F13A1: variants seen among roughly 807,000 people sequenced by gnomAD.
F13A1 encodes coagulation factor XIII A chain.
Under a neutral mutation model 80.1 loss-of-function variants are expected in F13A1, and 47 were observed. That is an observed-to-expected ratio of 0.59 (90% CI 0.46 to 0.75). F13A1 has a LOEUF of 0.75. Among genes scored for constraint, F13A1 ranks in the 30% least tolerant of loss-of-function variants. The pLI is 0.00. For missense variants in F13A1, 817 were observed against 930.4 expected (o/e 0.88, Z 1.59); for synonymous variants, 349 against 344.9 (o/e 1.01, Z -0.13).
intron 14 of F13A1, among the ~76,000 whole-genome samples, chr6:6,149,370 A>G (rs1038754720): frequency 6.6e-6 from 1 of 152,218 alleles, no homozygotes; most frequent in African/African-American, 2.4e-5. Flanking sequence ...AAACTTAAAA[A>G]GAGAGATTGA....
At position 6,250,598 on chromosome 6, in the gene F13A1, T is replaced by C. The variant is rs1441950190; in HGVS notation, c.690+213A>G. Among the ~76,000 whole-genome samples the C allele has an allele frequency of 6.6e-6, 1 of 152,198 alleles. No individual in the cohort carries two copies. The highest frequency in any genetic ancestry group is 1.5e-5 in the Non-Finnish European group (1 of 68,044). ...ATGGAATCTCTCATTTCTGTAACAC[T>C]GTAATACCCAGAGATATGTGGTTTC... On this transcript the variant is annotated intron_variant, in intron 5 of 14. Coordinates refer to ENST00000264870, the MANE Select transcript of F13A1 (RefSeq NM_000129.4). This position sits in a 1 kb window ranked among gnomAD's most constrained non-coding sequence, Gnocchi z 4.2.
intron 6 of F13A1, among the ~76,000 whole-genome samples, chr6:6,231,395 A>G (rs796369824): frequency 3.9e-5 from 6 of 152,288 alleles, no homozygotes; most frequent in African/African-American, 1.4e-4. Flanking sequence ...GAATAAGAAA[A>G]TATGAACAAA....
rs76300197 is a variant in F13A1, at chr6:6,287,004, T to C, written c.319+18347A>G. ...TAAGGCTGGTAATTGGGTCATCTTA[T>C]TAGGAAGGAACTATCACGAAGCAGT... is the stretch of plus-strand genomic sequence containing the variant. On this transcript the variant is annotated intron_variant, in intron 3 of 14. Transcript: ENST00000264870. Among the ~76,000 whole-genome samples, 304 of 152,312 alleles carry C rather than the reference T, an allele frequency of 2.0e-3. 6 individuals carry two copies. In the East Asian group the frequency reaches 0.048, roughly 24 times the overall value.
At chr6:6,209,774 T>G (rs1483565648) in intron 8 of F13A1, among the ~76,000 whole-genome samples, 1 of 152,126 alleles carries the variant, frequency 6.6e-6, no homozygotes, top group Middle Eastern at 3.2e-3. Flanking sequence ...TGACTCCACT[T>G]ATAGGAAATG....
At chr6:6,262,175 C>G (rs1757785299) in intron 4 of F13A1, among the ~76,000 whole-genome samples, 1 of 19,474 alleles carries the variant, frequency 5.1e-5, no homozygotes, top group African/African-American at 2.3e-4. Context: ...CGTGGTGACC[C>G]TCCAGGTGAT....
rs1757511130 is a variant in F13A1, at chr6:6,243,317, A to ATCACCACCACCG, written c.798+4983_798+4994dup. ...CACCACCATTATTATCACAATCACT[A>ATCACCACCACCG]TCACCACCACCGTCACCACCACCAT... is the stretch of plus-strand genomic sequence containing the variant. On this transcript the variant is annotated intron_variant, in intron 6 of 14. Coordinates refer to ENST00000264870, the MANE Select transcript of F13A1 (RefSeq NM_000129.4). The surrounding 1 kb of genome is among the most constrained non-coding windows in gnomAD (Gnocchi z 4.2). Among the ~76,000 whole-genome samples, 1 of 150,246 alleles carries ATCACCACCACCG rather than the reference A, an allele frequency of 6.7e-6. No homozygotes were observed. The highest frequency in any genetic ancestry group is 1.5e-5 in the Non-Finnish European group (1 of 67,364).
intron 2 of F13A1, among the ~76,000 whole-genome samples, chr6:6,314,122 C>T (rs1486315001): frequency 6.6e-6 from 1 of 151,792 alleles, no homozygotes; most frequent in Non-Finnish European, 1.5e-5. Flanking sequence ...GCTGGGATTA[C>T]AGGCGCCAAC....
chr6:6,264,688 AT>A (rs1170470215), intron 4 of F13A1, among the ~76,000 whole-genome samples: 1 of 152,152 alleles, frequency 6.6e-6, no homozygotes, highest in Non-Finnish European at 1.5e-5. Flanking sequence ...CATATTCAAA[AT>A]CTTAATTTAT....
intron 6 of F13A1, among the ~76,000 whole-genome samples, chr6:6,227,093 C>T (rs545672661): frequency 2.0e-5 from 3 of 151,936 alleles, no homozygotes; most frequent in South Asian, 2.1e-4. Context: ...CAATACCGAA[C>T]GAAATAAAAA....
chr6:6,191,669 T>C (rs1174413109), intron 10 of F13A1, among the ~76,000 whole-genome samples: 1 of 152,236 alleles, frequency 6.6e-6, no homozygotes, highest in African/African-American at 2.4e-5. Context: ...GACGTGCTCT[T>C]GCTTTCAGGA....
In F13A1 at chr6:6,162,967, G is replaced by A. The variant is rs1760599900; in HGVS notation, c.1908+4491C>T. Among the ~76,000 whole-genome samples, 1 of 152,208 alleles carries A rather than the reference G, an allele frequency of 6.6e-6. No individual in the cohort carries two copies. Among genetic ancestry groups the A allele is most frequent in the East Asian group, 1.9e-4 (1 of 5,200 alleles). ...GGTTATAGTAACGTCCTCCTTGTAGGATGGTATAGAGGGTTAAATAAGATC... is the reference window on the plus strand; with the variant it reads ...GGTTATAGTAACGTCCTCCTTGTAGAATGGTATAGAGGGTTAAATAAGATC... On this transcript the variant is annotated intron_variant, in intron 13 of 14. Transcript: ENST00000264870. The surrounding 1 kb of genome is among the most constrained non-coding windows in gnomAD (Gnocchi z 4.2).
At chr6:6,253,936 G>A (rs1256664940) in intron 4 of F13A1, among the ~76,000 whole-genome samples, 5 of 152,132 alleles carry the variant, frequency 3.3e-5, no homozygotes, top group Non-Finnish European at 7.3e-5. Flanking sequence ...TGTATCCATA[G>A]ATTTAAGAGG....
rs192527122 is a variant in F13A1 at position 6,243,753 on chromosome 6, C to T, written c.798+4559G>A. Among the ~76,000 whole-genome samples the T allele has an allele frequency of 9.9e-4, 150 of 152,278 alleles. No individual in the cohort carries two copies. The highest frequency in any genetic ancestry group is 1.9e-3 in the Non-Finnish European group (128 of 68,020). ...ACCCAGAAGACTCTTGGAGAGTCCT[C>T]CCCATTGCACACGCTGGTTCAGCAT... On this transcript the variant is annotated intron_variant, in intron 6 of 14. Coordinates refer to ENST00000264870, the MANE Select transcript of F13A1 (RefSeq NM_000129.4). This position sits in a 1 kb window ranked among gnomAD's most constrained non-coding sequence, Gnocchi z 4.2.
At chr6:6,291,275 C>T (rs1295039541) in intron 3 of F13A1, among the ~76,000 whole-genome samples, 2 of 152,052 alleles carry the variant, frequency 1.3e-5, no homozygotes, top group Non-Finnish European at 2.9e-5. Flanking sequence ...TATGCTTCTC[C>T]TCCAGTCCCT....
chr6:6,308,102 C>G (rs1356964672), intron 2 of F13A1, among the ~76,000 whole-genome samples: 3 of 152,168 alleles, frequency 2.0e-5, no homozygotes, highest in East Asian at 3.9e-4. Flanking sequence ...CAACCTCTGC[C>G]TCCTGGGTTC....
intron 13 of F13A1, 55 bp from the exon 14 acceptor site, chr6:6,152,004 TG>T: frequency 6.3e-7 from 1 of 1,599,824 alleles, no homozygotes; most frequent in Non-Finnish European, 8.5e-7. Context: ...TCTGCTCTCT[TG>T]TTGTCTTAAC....
At chr6:6,191,990 G>A (rs894306459) in intron 10 of F13A1, among the ~76,000 whole-genome samples, 1 of 152,252 alleles carries the variant, frequency 6.6e-6, no homozygotes, top group African/African-American at 2.4e-5. Context: ...CCAGAGCAGA[G>A]ACTTGAATGC....
intron 2 of F13A1, among the ~76,000 whole-genome samples, chr6:6,308,606 CTTTTTTTTT>C (rs770570204): frequency 3.4e-5 from 3 of 88,854 alleles, no homozygotes; most frequent in Admixed American, 1.5e-4. Flanking sequence ...AAAACACATT[CTTTTTTTTT>C]TTTTTTTTTT....
At chr6:6,177,162 C>T (rs1760896327) in intron 11 of F13A1, among the ~76,000 whole-genome samples, 1 of 152,214 alleles carries the variant, frequency 6.6e-6, no homozygotes, top group Admixed American at 6.5e-5. Flanking sequence ...ATTATATTTT[C>T]TGAGATTCTT....
Sources: allele counts gnomAD v4.1 joint callset (sites outside exome capture counted in the v4.1 genomes callset), GRCh38; gene constraint gnomAD v4.1.1; non-coding constraint Gnocchi (gnomAD v3.1); transcripts MANE v1.5; gene names NCBI Gene and HGNC (gene_info 2026-07-23, HGNC 2026-07-21).